The following CCDC142 variants were observed in gnomAD, a reference collection of about 807,000 sequenced individuals.
The protein encoded by CCDC142 is coiled-coil domain containing 142.
In CCDC142, 67 loss-of-function variants were observed where a neutral mutation model predicts 83.8. That is an observed-to-expected ratio of 0.80 (90% CI 0.66 to 0.98). The LOEUF (loss-of-function observed/expected upper bound fraction) is 0.98. Among genes scored for constraint, CCDC142 ranks in the 50% least tolerant of loss-of-function variants. CCDC142 has a pLI of 0.00. For synonymous variants in CCDC142, 421 were observed against 421.2 expected, an observed-to-expected ratio of 1.00 and a Z score of 0.01; for missense variants, 905 against 946.8, an observed-to-expected ratio of 0.96 and a Z score of 0.58.
rs142914899 is a variant in CCDC142, at chr2:74,481,911, C to T, written c.927G>A (p.Leu309=). 3.4e-4 allele frequency: 556 copies of T among 1,614,196 alleles called. 4 individuals carry two copies. The highest frequency in any genetic ancestry group is 5.0e-4 in the Admixed American group (30 of 60,022). The part of the protein sequence containing the change: ...GALWSQYWTL[L]WAACAQSLDL... The stretch of plus-strand genomic sequence containing the variant: ...CCAGACTCTGAGCACAGGCTGCCCA[C>T]AGCAGGGTCCAGTATTGGCTCCACA... Residue 309 remains leucine, a synonymous_variant, in exon 1 of 9, where the codon CTG becomes CTA. Coordinates refer to ENST00000393965, the MANE Select transcript of CCDC142 (RefSeq NM_001365575.2).
Position 74,474,473 on chromosome 2 carries a change from C to T in CCDC142, c.*73G>A, listed in dbSNP as rs1003696017. The T allele has an allele frequency of 8.7e-6, 13 of 1,491,264 alleles. No homozygotes were observed. The highest frequency in any genetic ancestry group is 2.3e-4 in the Middle Eastern group (1 of 4,328). The allele number at this position is 1,491,264 out of a possible 1,614,324, so 92.4% of individuals were successfully genotyped here. On this transcript the variant is annotated 3_prime_UTR_variant, in exon 9 of 9. Transcript: ENST00000393965. Reference sequence around the variant, plus strand: ...TCCAGTTCTGGGCTTCCTTAATATGCAATTCCAAATGTCTGGATTTTCCAG... The same window carrying T: ...TCCAGTTCTGGGCTTCCTTAATATGTAATTCCAAATGTCTGGATTTTCCAG...
intron 5 of CCDC142, among the ~76,000 whole-genome samples, chr2:74,479,520 GCAAA>G (rs1672398328): frequency 1.3e-5 from 2 of 152,140 alleles, no homozygotes; most frequent in African/African-American, 2.4e-5. Flanking sequence ...GTGAGTGAGG[GCAAA>G]CAAAGTGCTG....
chr2:74,474,815 G>A lies in CCDC142; in HGVS notation c.1997-13C>T, dbSNP rs755892460. On this transcript the variant is annotated splice_polypyrimidine_tract_variant and intron_variant, in intron 8 of 8. Transcript: ENST00000393965. ...TCCTGACAAGCACCTGGTAAGGCAGGAGTGGAAGGTAGGTGGCTGCTGGGG... is the reference window on the plus strand; with the variant it reads ...TCCTGACAAGCACCTGGTAAGGCAGAAGTGGAAGGTAGGTGGCTGCTGGGG... 4 of 1,601,344 alleles carry A rather than the reference G, an allele frequency of 2.5e-6. No homozygotes were observed. Among genetic ancestry groups the A allele is most frequent in the Admixed American group, 1.7e-5 (1 of 58,754 alleles).
Position 74,473,553 on chromosome 2 carries a change from G to C in CCDC142, c.*993C>G, listed in dbSNP as rs923544694. Among the ~76,000 whole-genome samples, 2 of 152,052 alleles carry C rather than the reference G, an allele frequency of 1.3e-5. No homozygotes were observed. Among genetic ancestry groups the C allele is most frequent in the African/African-American group, 4.8e-5 (2 of 41,410 alleles). ...GCCAGGATGGTCTTGATCGGACCTC[G>C]TGATCCGCCCCTCTAGGCCTCCCAA... On this transcript the variant is annotated 3_prime_UTR_variant, in exon 9 of 9. Coordinates refer to ENST00000393965, the MANE Select transcript of CCDC142 (RefSeq NM_001365575.2).
rs1039269640 is a variant in CCDC142, at chr2:74,482,142, C to A, written c.696G>T (p.Thr232=). The change falls in exon 1 of 9, where the codon ACG becomes ACT. Residue 232 remains threonine (T), a synonymous_variant. Coordinates refer to ENST00000393965, the MANE Select transcript of CCDC142 (RefSeq NM_001365575.2). This position sits in a 1 kb window ranked among gnomAD's most constrained non-coding sequence, Gnocchi z 5.0. The stretch of plus-strand genomic sequence containing the variant: ...CCGTCAAGAGGCGGAGCACACGGGA[C>A]GTGGGGAAAGGACGTGCGGCCCCTG... ...HVPGAARPFP[T]SRVLRLLTGE... 2 of 1,613,742 alleles carry A rather than the reference C, an allele frequency of 1.2e-6. No homozygotes were observed.
intron 5 of CCDC142, among the ~76,000 whole-genome samples, chr2:74,479,112 T>C (rs1672390608): frequency 6.6e-6 from 1 of 151,108 alleles, no homozygotes; most frequent in South Asian, 2.1e-4. Context: ...GAGGATTGCT[T>C]GAGCCCAGGA....
intron 5 of CCDC142, 89 bp from the exon 6 acceptor site, chr2:74,475,815 T>G: frequency 1.3e-6 from 1 of 790,014 alleles, no homozygotes; most frequent in East Asian, 2.7e-5. Flanking sequence ...TTGACATCCA[T>G]AAAACCCCAG....
chr2:74,480,861 C>T lies in CCDC142; in HGVS notation c.1411G>A (p.Ala471Thr), dbSNP rs776787688. The T allele has an allele frequency of 9.9e-6, 16 of 1,614,030 alleles. No individual in the cohort carries two copies. The highest frequency in any genetic ancestry group is 1.6e-4 in the Middle Eastern group (1 of 6,062). Reference protein sequence around the residue: ...DLPPLLHEAEALYSLASEESL... With the variant: ...DLPPLLHEAETLYSLASEESL... ...TCCTCTGAGGCCAGGCTATACAAAG[C>T]TTCTGCCTCATGCAACAGAGGCTTT... Residue 471 changes from alanine (A) to threonine (T), a missense_variant, in exon 5 of 9, where the codon GCT (alanine) becomes ACT (threonine). This residue lies in a region of CCDC142 where 49 missense variants were observed against 86.4 expected (regional missense o/e 0.57). Transcript: ENST00000393965.
intron 5 of CCDC142, among the ~76,000 whole-genome samples, chr2:74,477,179 C>T (rs1672343697): frequency 6.6e-6 from 1 of 151,570 alleles, no homozygotes. Context: ...AGTGCAGTTG[C>T]GCAATCTCAG....
rs780374618 is a variant in CCDC142, at chr2:74,475,054, C to T, written c.1858G>A (p.Glu620Lys). The change falls in exon 8 of 9, where the codon GAG (glutamate) becomes AAG (lysine). Residue 620 changes from glutamate to lysine, a missense_variant. Physicochemically the swap from Glu to Lys is moderately conservative, Grantham distance 56 (BLOSUM62 1). Around this residue, in one of 3 missense-constraint regions of CCDC142, gnomAD observed 265 missense variants for 288.9 expected, o/e 0.92. Transcript: ENST00000393965. The part of the protein sequence containing the change: ...FGVVRELLEE[E>K]QWSLSPDLRQ... ...AGATCAGGGGACAGGCTCCACTGCT[C>T]CTCTTCCAGCAACTCCCTGACCACT... 4.3e-6 allele frequency: 7 copies of T among 1,613,724 alleles called. No homozygotes were observed. Among genetic ancestry groups the T allele is most frequent in the Non-Finnish European group, 5.1e-6 (6 of 1,179,884 alleles).
At chr2:74,478,454 G>A (rs552172434) in intron 5 of CCDC142, among the ~76,000 whole-genome samples, 12 of 151,520 alleles carry the variant, frequency 7.9e-5, no homozygotes, top group Non-Finnish European at 1.3e-4. Flanking sequence ...TCGGCTCACT[G>A]CAACTTCCGC....
At chr2:74,475,492 G>T in intron 6 of CCDC142, 90 bp from the exon 7 acceptor site, 3 of 1,476,246 alleles carry the variant, frequency 2.0e-6, no homozygotes, top group Non-Finnish European at 2.8e-6. Flanking sequence ...ATTTCAGGAG[G>T]GAAGGGTACA....
intron 5 of CCDC142, among the ~76,000 whole-genome samples, chr2:74,480,277 T>C (rs1392516477): frequency 6.6e-6 from 1 of 152,130 alleles, no homozygotes; most frequent in Non-Finnish European, 1.5e-5. Flanking sequence ...TTGTACATGT[T>C]TGAAATTTTC....
At chr2:74,477,068 TC>T (rs896835833) in intron 5 of CCDC142, among the ~76,000 whole-genome samples, 3 of 151,844 alleles carry the variant, frequency 2.0e-5, no homozygotes, top group Non-Finnish European at 2.9e-5. Context: ...TGACAGTCTC[TC>T]CCCCACCCAC....
chr2:74,475,911 A>C (rs1376286288), intron 5 of CCDC142, among the ~76,000 whole-genome samples, 185 bp from the exon 6 acceptor site: 1 of 152,054 alleles, frequency 6.6e-6, no homozygotes, highest in Non-Finnish European at 1.5e-5. Flanking sequence ...GTCTGGACCC[A>C]AATTATGAAC....
chr2:74,476,858 C>T (rs1318643034), intron 5 of CCDC142, among the ~76,000 whole-genome samples: 4 of 152,176 alleles, frequency 2.6e-5, no homozygotes, highest in Non-Finnish European at 2.9e-5. Flanking sequence ...GACCTGGGGG[C>T]GGCCAGACAT....
rs369773742 is a variant in CCDC142 at position 74,480,739 on chromosome 2, C to T, written c.1503+30G>A. 9.9e-6 allele frequency: 15 copies of T among 1,519,048 alleles called. No individual in the cohort carries two copies. In the African/African-American group the frequency reaches 1.5e-4, roughly 15 times the overall value. The allele number at this position is 1,519,048 out of a possible 1,614,324, so 94.1% of individuals were successfully genotyped here. A position where few individuals can be genotyped will look rare whatever the true frequency, so the allele number is the denominator to read the frequency against. On this transcript the variant is annotated intron_variant, in intron 5 of 8. Coordinates refer to ENST00000393965, the MANE Select transcript of CCDC142 (RefSeq NM_001365575.2). ...ACTTGGCACAGAACATAGGGTCTTA[C>T]ACTGCCACTGTTGAGGCCCCTGTTC...
In CCDC142 at chr2:74,481,047, G is replaced by A. The variant is rs766246005; in HGVS notation, c.1298C>T (p.Thr433Ile). ...PVALGLCTLQ[T>I]TLLWFLGRAQ... Reference sequence around the variant, plus strand: ...TCTGCCCAGGAACCAGAGCAAGGTGGTCTGAAGGGTACAGAGACCTAGGGC... The same window carrying A: ...TCTGCCCAGGAACCAGAGCAAGGTGATCTGAAGGGTACAGAGACCTAGGGC... Residue 433 changes from threonine (T) to isoleucine (I), a missense_variant, in exon 4 of 9, where the codon ACC (threonine) becomes ATC (isoleucine). Thr to Ile is a moderately conservative substitution (Grantham distance 89). This residue lies in a region of CCDC142 where 591 missense variants were observed against 571.4 expected (regional missense o/e 1.03). Coordinates refer to ENST00000393965, the MANE Select transcript of CCDC142 (RefSeq NM_001365575.2). 1 of 1,614,042 alleles carries A rather than the reference G, an allele frequency of 6.2e-7. No homozygotes were observed. The highest frequency in any genetic ancestry group is 8.5e-7 in the Non-Finnish European group (1 of 1,179,988).
chr2:74,474,647 G>A lies in CCDC142; in HGVS notation c.2152C>T (p.Leu718=). Residue 718 remains leucine (L), a synonymous_variant, in exon 9 of 9, where the codon CTG becomes TTG. Transcript: ENST00000393965. The part of the protein sequence containing the change: ...GGRGPSPEGY[L]VGNQQAWLAL... ...AGCCAGGCCTGCTGATTTCCCACCA[G>A]GTAGCCCTCCGGGCTAGGTCCCCTT... 1 of 1,614,226 alleles carries A rather than the reference G, an allele frequency of 6.2e-7. No individual in the cohort carries two copies. The highest frequency in any genetic ancestry group is 8.5e-7 in the Non-Finnish European group (1 of 1,180,038).
Sources: gnomAD v4.1 joint callset for allele counts (sites outside exome capture counted in the v4.1 genomes callset) on GRCh38, gnomAD v4.1.1 for gene constraint, gnomAD v4.1.1 regional missense constraint, Gnocchi (gnomAD v3.1) non-coding constraint, MANE v1.5 for transcripts, NCBI Gene and HGNC (gene_info 2026-07-23, HGNC 2026-07-21) for gene names.